The following SGCZ variants were observed in gnomAD, a reference collection of about 807,000 sequenced individuals.
SGCZ encodes zeta-sarcoglycan.
SGCZ carries 40 observed loss-of-function variants against 41.3 expected under a neutral mutation model. That is an observed-to-expected ratio of 0.97 (90% CI 0.75 to 1.26). The LOEUF (loss-of-function observed/expected upper bound fraction) is 1.26, where lower values mean the gene tolerates loss of function less well. Among genes scored for constraint, SGCZ ranks in the 50% most tolerant of loss-of-function variants. SGCZ has a pLI of 0.00. For synonymous variants in SGCZ, 206 were observed against 137.5 expected (o/e 1.50, Z -3.49); for missense variants, 552 against 369.8 (o/e 1.49, Z -4.04).
At position 14,421,618 on chromosome 8, in the gene SGCZ, A is replaced by G. The variant is rs141188948; in HGVS notation, c.235-97414T>C. On this transcript the variant is annotated intron_variant, in intron 2 of 7. Transcript: ENST00000382080. ...AGAAAAATATGAAGTTTGCTCATAT[A>G]GAACCACAGATGTGGTTTACTCTGC... Among the ~76,000 whole-genome samples, 427 of 152,244 alleles carry G rather than the reference A, an allele frequency of 2.8e-3. 2 individuals are homozygous for G. Among genetic ancestry groups the G allele is most frequent in the African/African-American group, 9.8e-3 (408 of 41,572 alleles).
intron 1 of SGCZ, among the ~76,000 whole-genome samples, chr8:14,934,357 C>T (rs1453559317): frequency 6.6e-6 from 1 of 151,510 alleles, no homozygotes; most frequent in Non-Finnish European, 1.5e-5. Context: ...TCATGAGGTT[C>T]CAGGATTGAA....
At chr8:14,824,572 G>A (rs1195347367) in intron 1 of SGCZ, among the ~76,000 whole-genome samples, 1 of 151,824 alleles carries the variant, frequency 6.6e-6, no homozygotes, top group Non-Finnish European at 1.5e-5. Flanking sequence ...AAGACCATTT[G>A]AACTTTTAAA....
At chr8:14,819,867 A>C (rs1802020823) in intron 1 of SGCZ, among the ~76,000 whole-genome samples, 1 of 152,090 alleles carries the variant, frequency 6.6e-6, no homozygotes, top group South Asian at 2.1e-4. Context: ...AAGCAGATAC[A>C]CAAATAATAA....
At chr8:14,384,848 G>A (rs1439853609) in intron 2 of SGCZ, among the ~76,000 whole-genome samples, 1 of 152,188 alleles carries the variant, frequency 6.6e-6, no homozygotes, top group East Asian at 1.9e-4. Flanking sequence ...ACTGCACCCA[G>A]CCTCCTTGTA....
At chr8:14,611,730 C>A (rs1418979807) in intron 1 of SGCZ, among the ~76,000 whole-genome samples, 2 of 151,934 alleles carry the variant, frequency 1.3e-5, no homozygotes, top group South Asian at 4.2e-4. Context: ...TAGTTGAAAT[C>A]CTAATGTGAC....
rs192729529 is a variant in SGCZ, at chr8:14,512,447, T to C, written c.234+42285A>G. Among the ~76,000 whole-genome samples, 5 of 152,176 alleles carry C rather than the reference T, an allele frequency of 3.3e-5. No homozygotes were observed. The East Asian group carries it at 9.7e-4, about 29-fold the overall frequency. On this transcript the variant is annotated intron_variant, in intron 2 of 7. Transcript: ENST00000382080. Reference sequence around the variant, plus strand: ...GTGTATTAATGTAGATTACAGCTGATGCCCCAAATCCATTTATTTATTTAT... The same window carrying C: ...GTGTATTAATGTAGATTACAGCTGACGCCCCAAATCCATTTATTTATTTAT...
intron 2 of SGCZ, among the ~76,000 whole-genome samples, chr8:14,397,045 C>T (rs180801025): frequency 6.6e-6 from 1 of 152,118 alleles, no homozygotes; most frequent in Non-Finnish European, 1.5e-5. Context: ...AATTTATCAT[C>T]TTAAAATGAG....
chr8:14,763,633 A>G (rs1799954134), intron 1 of SGCZ, among the ~76,000 whole-genome samples: 1 of 152,214 alleles, frequency 6.6e-6, no homozygotes, highest in Non-Finnish European at 1.5e-5. Context: ...ATGTAAGTCT[A>G]CAAAACATTA....
At chr8:14,575,266 T>C (rs1474708096) in intron 1 of SGCZ, among the ~76,000 whole-genome samples, 4 of 152,236 alleles carry the variant, frequency 2.6e-5, no homozygotes, top group African/African-American at 9.6e-5. Context: ...TGGAATATAA[T>C]AGAGATTCCA....
At chr8:14,092,291 G>A (rs968574357) in intron 7 of SGCZ, among the ~76,000 whole-genome samples, 1 of 151,866 alleles carries the variant, frequency 6.6e-6, no homozygotes, top group African/African-American at 2.4e-5. Context: ...GGATTGTCTT[G>A]GTTATGTGGG....
At chr8:14,218,757 G>A (rs1215139689) in intron 4 of SGCZ, among the ~76,000 whole-genome samples, 1 of 152,222 alleles carries the variant, frequency 6.6e-6, no homozygotes, top group Non-Finnish European at 1.5e-5. Context: ...TAAAGCAGCA[G>A]AGACAACTCA....
intron 1 of SGCZ, among the ~76,000 whole-genome samples, chr8:14,864,852 C>G (rs147443513): frequency 0.024 from 3,576 of 152,124 alleles, 51 homozygotes; most frequent in Middle Eastern, 0.048. Flanking sequence ...TGGTCTTTTT[C>G]ATATAGCTAT....
At chr8:14,147,252 A>G (rs1018716858) in intron 5 of SGCZ, among the ~76,000 whole-genome samples, 1 of 152,146 alleles carries the variant, frequency 6.6e-6, no homozygotes, top group African/African-American at 2.4e-5. Context: ...TAAATTATCC[A>G]ATCAAAAGAC....
chr8:15,194,996 A>G (rs919011589), intron 1 of SGCZ, among the ~76,000 whole-genome samples: 1 of 152,206 alleles, frequency 6.6e-6, no homozygotes, highest in African/African-American at 2.4e-5. Context: ...CTGATCATTT[A>G]TTTTAGAATA....
chr8:14,886,052 T>A (rs535684406), intron 1 of SGCZ, among the ~76,000 whole-genome samples: 26 of 139,274 alleles, frequency 1.9e-4, no homozygotes, highest in Admixed American at 3.6e-4. Context: ...TATACTTAGC[T>A]TTTTCACTTA....
chr8:14,102,003 T>C (rs1802037582), intron 7 of SGCZ, among the ~76,000 whole-genome samples: 1 of 150,938 alleles, frequency 6.6e-6, no homozygotes, highest in South Asian at 2.1e-4. Flanking sequence ...AGTGAATGGG[T>C]TGACGACATT....
intron 1 of SGCZ, among the ~76,000 whole-genome samples, chr8:14,972,521 G>T (rs1801335061): frequency 6.6e-6 from 1 of 152,028 alleles, no homozygotes; most frequent in Non-Finnish European, 1.5e-5. Context: ...TATTGATATG[G>T]TTAAATTTAA....
At chr8:14,257,049 G>T (rs539433706) in intron 3 of SGCZ, among the ~76,000 whole-genome samples, 1 of 152,098 alleles carries the variant, frequency 6.6e-6, no homozygotes, top group South Asian at 2.1e-4. Flanking sequence ...ACAGGTTTCT[G>T]GCCAGGCGTG....
At position 14,190,014 on chromosome 8, in the gene SGCZ, C is replaced by CTTT. The variant is rs71304966; in HGVS notation, c.425-25315_425-25313dup. ...GAATCTACTTTTTCTTTCTTTCTTT[C>CTTT]TTTTTTTTTTTTTTTTGAGACGGAC... On this transcript the variant is annotated intron_variant, in intron 4 of 7. Transcript: ENST00000382080. 7.0e-3 allele frequency among the ~76,000 whole-genome samples: 701 copies of CTTT among 100,054 alleles called. 1 individual carries two copies. Among genetic ancestry groups the CTTT allele is most frequent in the Admixed American group, 9.9e-3 (73 of 7,406 alleles). The allele number at this position is 100,054 out of a possible 152,430, so 65.6% of individuals were successfully genotyped here. A position where few individuals can be genotyped will look rare whatever the true frequency, so the allele number is the denominator to read the frequency against.
Sources: allele counts gnomAD v4.1 joint callset (sites outside exome capture counted in the v4.1 genomes callset), GRCh38; gene constraint gnomAD v4.1.1; transcripts MANE v1.5; gene names NCBI Gene and HGNC (gene_info 2026-07-23, HGNC 2026-07-21).